MROH2A: variants seen among roughly 807,000 people sequenced by gnomAD.
The protein encoded by MROH2A is maestro heat-like repeat-containing protein family member 2A.
Under a neutral mutation model 200.4 loss-of-function variants are expected in MROH2A, and 174 were observed. The observed-to-expected ratio is 0.87, with a 90% confidence interval of 0.77 to 0.98. MROH2A has a LOEUF of 0.98. MROH2A is among the 50% of genes least tolerant of loss of function. The pLI is 0.00. For synonymous variants in MROH2A, 829 were observed against 840.4 expected (o/e 0.99, Z 0.23); for missense variants, 2,045 against 2,139.6 (o/e 0.96, Z 0.87).
intron 37 of MROH2A, 36 bp from the exon 38 acceptor site, chr2:233,829,584 T>G: frequency 7.3e-7 from 1 of 1,361,272 alleles, no homozygotes; most frequent in African/African-American, 1.5e-5. Context: ...GGCTTCCTGC[T>G]GCCTGCATGT....
chr2:233,825,994 A>C (rs1704281061), intron 35 of MROH2A, among the ~76,000 whole-genome samples: 1 of 130,932 alleles, frequency 7.6e-6, no homozygotes, highest in South Asian at 2.3e-4. Context: ...GCGTGATCTC[A>C]GCTCACTGCA....
Position 233,813,786 on chromosome 2 carries a change from C to T in MROH2A, c.2760+8C>T, listed in dbSNP as rs1269152117. 6.8e-7 allele frequency: 1 copy of T among 1,478,880 alleles called. No individual in the cohort carries two copies. 91.6% of individuals were successfully genotyped at this position (1,478,880 alleles called of 1,614,324 possible). The stretch of plus-strand genomic sequence containing the variant: ...GACAATGAGTCCATTAAGGTAGGTC[C>T]CTCTGGGATGCCTCATTTGCTGGGT... On this transcript the variant is annotated splice_region_variant and intron_variant, in intron 25 of 41. Transcript: ENST00000389758.
At chr2:233,789,318 G>C (rs1334984440) in intron 3 of MROH2A, among the ~76,000 whole-genome samples, 179 bp from the exon 4 acceptor site, 14 of 152,212 alleles carry the variant, frequency 9.2e-5, no homozygotes, top group Admixed American at 9.2e-4. Flanking sequence ...GGGCCAGTGG[G>C]ATGAGAAGGG....
intron 3 of MROH2A, among the ~76,000 whole-genome samples, chr2:233,785,501 T>C (rs539208305): frequency 1.3e-5 from 2 of 150,292 alleles, no homozygotes; most frequent in East Asian, 3.9e-4. Flanking sequence ...AAAGACAGTT[T>C]GTTACATTCC....
At chr2:233,787,211 C>A (rs1375706269) in intron 3 of MROH2A, among the ~76,000 whole-genome samples, 1 of 151,980 alleles carries the variant, frequency 6.6e-6, no homozygotes, top group South Asian at 2.1e-4. Context: ...AAAGGCTGAT[C>A]TTCTTATAAT....
intron 27 of MROH2A, 92 bp from the exon 28 acceptor site, chr2:233,817,910 C>T: frequency 6.8e-7 from 1 of 1,460,844 alleles, no homozygotes; most frequent in Non-Finnish European, 9.2e-7. Context: ...GCAGGGTTTG[C>T]CCTATCAAGT....
chr2:233,810,977 G>A, intron 23 of MROH2A, 61 bp downstream of exon 23: 1 of 1,531,758 alleles, frequency 6.5e-7, no homozygotes. Context: ...ACTCCCTGCG[G>A]TGAGAGGTTT....
chr2:233,782,162 C>T (rs1466026358), intron 3 of MROH2A, among the ~76,000 whole-genome samples: 1 of 152,132 alleles, frequency 6.6e-6, no homozygotes, highest in African/African-American at 2.4e-5. Context: ...AGTATGATGC[C>T]TCCAGCTTTA....
intron 35 of MROH2A, 63 bp downstream of exon 35, chr2:233,823,727 T>TCTGGGGATG: frequency 6.6e-7 from 1 of 1,526,144 alleles, no homozygotes. Flanking sequence ...CCTGGATTCT[T>TCTGGGGATG]CTGGGGATGG....
chr2:233,806,900 T>TA (rs1338406487), intron 19 of MROH2A, among the ~76,000 whole-genome samples: 2 of 152,212 alleles, frequency 1.3e-5, no homozygotes, highest in African/African-American at 2.4e-5. Context: ...GCCCAAGCAG[T>TA]ATACGCTGCA....
At chr2:233,794,849 T>G (rs1702005028) in intron 8 of MROH2A, among the ~76,000 whole-genome samples, 1 of 151,530 alleles carries the variant, frequency 6.6e-6, no homozygotes, top group Non-Finnish European at 1.5e-5. Flanking sequence ...GTCCTGGAGG[T>G]CAGGAGTCCA....
rs905086294 is a variant in MROH2A, at chr2:233,808,085, C to T, written c.2295+230C>T. Among the ~76,000 whole-genome samples the T allele has an allele frequency of 2.0e-5, 3 of 152,196 alleles. No individual in the cohort carries two copies. The East Asian group carries it at 5.8e-4, about 29-fold the overall frequency. Reference sequence around the variant, plus strand: ...CCTTTCCAGGACCCAGATACTGTCACGGAGTCCCAGCCCCTTGCTACTCAT... The same window carrying T: ...CCTTTCCAGGACCCAGATACTGTCATGGAGTCCCAGCCCCTTGCTACTCAT... On this transcript the variant is annotated intron_variant, in intron 21 of 41. Coordinates refer to ENST00000389758, the MANE Select transcript of MROH2A (RefSeq NM_001394639.1).
chr2:233,832,150 G>A lies in MROH2A; in HGVS notation c.4735-27G>A, dbSNP rs774804856. 5.7e-5 allele frequency: 83 copies of A among 1,466,194 alleles called. No individual in the cohort carries two copies. In the African/African-American group the frequency reaches 1.4e-3, roughly 25 times the overall value. 90.8% of individuals were successfully genotyped at this position (1,466,194 alleles called of 1,614,324 possible). On this transcript the variant is annotated intron_variant, in intron 39 of 41. Transcript: ENST00000389758. Reference sequence around the variant, plus strand: ...CATTGTCAGGGTCTCATCCTCCAAAGCTGTGTGTATCACTTACTTTTTGCA... The same window carrying A: ...CATTGTCAGGGTCTCATCCTCCAAAACTGTGTGTATCACTTACTTTTTGCA...
In MROH2A at chr2:233,822,989, A is replaced by G. The variant is rs1423788666; in HGVS notation, c.3975A>G (p.Thr1325=). The G allele has an allele frequency of 6.4e-7, 1 of 1,550,488 alleles. No homozygotes were observed. Among genetic ancestry groups the G allele is most frequent in the Non-Finnish European group, 8.7e-7 (1 of 1,146,956 alleles). Reference sequence around the variant, plus strand: ...GGGACCTCCTGCAGGACGGCGGGACATTCCTGGAGGGTGTGAGCCTGCTGG... The same window carrying G: ...GGGACCTCCTGCAGGACGGCGGGACGTTCCTGGAGGGTGTGAGCCTGCTGG... The part of the protein sequence containing the change: ...AVWDLLQDGG[T]FLEGVSLLAR... Residue 1325 remains threonine (T), a synonymous_variant, in exon 34 of 42, where the codon ACA becomes ACG. Coordinates refer to ENST00000389758, the MANE Select transcript of MROH2A (RefSeq NM_001394639.1).
chr2:233,823,462 G>A (rs138375098), intron 34 of MROH2A, 94 bp from the exon 35 acceptor site: 20 of 1,425,506 alleles, frequency 1.4e-5, no homozygotes, highest in Middle Eastern at 5.1e-4. Context: ...TTGCCACCAG[G>A]GTCCAGGCAC....
upstream of MROH2A, among the ~76,000 whole-genome samples, chr2:233,775,970 G>A (rs1700694748): frequency 6.6e-6 from 1 of 152,176 alleles, no homozygotes; most frequent in Non-Finnish European, 1.5e-5. Context: ...CCTCTTGCCT[G>A]CCACCATGTA....
chr2:233,809,734 G>A (rs917550385), intron 22 of MROH2A, among the ~76,000 whole-genome samples: 1 of 151,746 alleles, frequency 6.6e-6, no homozygotes, highest in African/African-American at 2.4e-5. Context: ...TTAAAACTAT[G>A]GCAAAATACA....
At position 233,818,068 on chromosome 2, in the gene MROH2A, C is replaced by A; in HGVS notation, c.3028C>A (p.His1010Asn). ...GLIAPCTCDA[H>N]QRTRMASMNV... The stretch of plus-strand genomic sequence containing the variant: ...CATTGCCCCGTGCACCTGTGATGCC[C>A]ATCAAAGAACCCGCATGGCCTCAAT... Residue 1010 changes from histidine to asparagine, a missense_variant, in exon 28 of 42, where the codon CAT becomes AAT. Around this residue, in one of 3 missense-constraint regions of MROH2A, gnomAD observed 1,201 missense variants for 1,311.3 expected, o/e 0.92. Coordinates refer to ENST00000389758, the MANE Select transcript of MROH2A (RefSeq NM_001394639.1). 1 of 1,550,976 alleles carries A rather than the reference C, an allele frequency of 6.4e-7. No individual in the cohort carries two copies. Among genetic ancestry groups the A allele is most frequent in the South Asian group, 1.2e-5 (1 of 84,062 alleles).
Position 233,828,622 on chromosome 2 carries a change from C to T in MROH2A, c.4114-8C>T, listed in dbSNP as rs1559484913. 7 of 1,550,370 alleles carry T rather than the reference C, an allele frequency of 4.5e-6. No homozygotes were observed. The East Asian group carries it at 1.7e-4, about 38-fold the overall frequency. On this transcript the variant is annotated splice_region_variant and splice_polypyrimidine_tract_variant and intron_variant, in intron 35 of 41. Transcript: ENST00000389758. This position sits in a 1 kb window ranked among gnomAD's most constrained non-coding sequence, Gnocchi z 4.6. ...CTGGGGATAACTGCCCAATGTCCTC[C>T]CTTCCAGTTCATGAGCGGCCCAGTT...
Sources: allele counts gnomAD v4.1 joint callset (sites outside exome capture counted in the v4.1 genomes callset), GRCh38; gene constraint gnomAD v4.1.1; regional missense constraint gnomAD v4.1.1; non-coding constraint Gnocchi (gnomAD v3.1); transcripts MANE v1.5; gene names NCBI Gene and HGNC (gene_info 2026-07-23, HGNC 2026-07-21).